The following ZNF670 variants were observed in gnomAD, a reference collection of about 807,000 sequenced individuals.
ZNF670 encodes the protein zinc finger protein 670.
In ZNF670, 7 loss-of-function variants were observed where a neutral mutation model predicts 10.9. The ratio of observed to expected loss-of-function variants is 0.64; its 90% CI spans 0.36 to 1.20. ZNF670 has a LOEUF of 1.20. Ranked by LOEUF, ZNF670 falls within the 50% of genes most tolerant of loss-of-function variation. The probability of loss-of-function intolerance (pLI) is 0.02; values close to 1 mark genes in which losing one functional copy is unlikely to be tolerated. For missense variants in ZNF670, 446 were observed against 458.6 expected (o/e 0.97, Z 0.25); for synonymous variants, 136 against 152.7 (o/e 0.89, Z 0.81).
At chr1:247,054,518 C>T (rs1670672933) in intron 1 of ZNF670, among the ~76,000 whole-genome samples, 1 of 152,236 alleles carries the variant, frequency 6.6e-6, no homozygotes, top group East Asian at 1.9e-4. Context: ...ATTTTAGGCC[C>T]TAGTTCCTGG....
chr1:247,039,059 TC>T (rs1280031115), intron 2 of ZNF670, among the ~76,000 whole-genome samples, 189 bp from the exon 3 acceptor site: 41 of 104,674 alleles, frequency 3.9e-4, no homozygotes, highest in Non-Finnish European at 5.3e-4. Flanking sequence ...TTTCTTTCTT[TC>T]TTTTTTTTTT....
chr1:247,076,824 C>T (rs1671266202), intron 1 of ZNF670, among the ~76,000 whole-genome samples: 1 of 152,166 alleles, frequency 6.6e-6, no homozygotes. Flanking sequence ...CCAGACTGGG[C>T]TAATTTTTGT....
chr1:247,064,956 G>A (rs969806364), intron 1 of ZNF670, among the ~76,000 whole-genome samples: 4 of 151,880 alleles, frequency 2.6e-5, no homozygotes, highest in African/African-American at 7.3e-5. Flanking sequence ...CCACAGGTGC[G>A]CACCACCATG....
At chr1:247,050,226 A>C (rs1407290825) in intron 1 of ZNF670, among the ~76,000 whole-genome samples, 1 of 152,206 alleles carries the variant, frequency 6.6e-6, no homozygotes, top group Non-Finnish European at 1.5e-5. Flanking sequence ...TATGGACTTA[A>C]GACTGTGATA....
At chr1:247,045,999 AT>A (rs1434774027) in intron 1 of ZNF670, among the ~76,000 whole-genome samples, 2 of 152,172 alleles carry the variant, frequency 1.3e-5, no homozygotes, top group Non-Finnish European at 2.9e-5. Flanking sequence ...AGGAGGTTTA[AT>A]TTAGGAGTAA....
At chr1:247,045,104 G>A (rs12139893) in intron 1 of ZNF670, among the ~76,000 whole-genome samples, 14,106 of 152,198 alleles carry the variant, frequency 0.093, 762 homozygotes, top group South Asian at 0.19. Flanking sequence ...CCAGAGAATC[G>A]TAACTCACTT....
chr1:247,054,331 G>C (rs1670668104), intron 1 of ZNF670, among the ~76,000 whole-genome samples: 1 of 152,254 alleles, frequency 6.6e-6, no homozygotes, highest in South Asian at 2.1e-4. Flanking sequence ...AGCTGGCATG[G>C]CTAAGGGCTT....
intron 1 of ZNF670, among the ~76,000 whole-genome samples, chr1:247,077,328 G>A (rs1310662409): frequency 6.6e-6 from 1 of 152,146 alleles, no homozygotes; most frequent in East Asian, 1.9e-4. Context: ...CCCAGGAGAA[G>A]GTATTCATTA....
intron 1 of ZNF670, chr1:247,043,165 A>C: frequency 6.2e-6 from 5 of 810,128 alleles, no homozygotes; most frequent in Non-Finnish European, 1.1e-5. Context: ...AGTTCTGCAG[A>C]TACATGTTCT....
chr1:247,039,547 C>A lies in ZNF670; in HGVS notation c.4-10G>T. Reference sequence around the variant, plus strand: ...CAAATGACACTGAATCCTAGAATATCGCACATATGTGGAGAGGAGGATGGC... The same window carrying A: ...CAAATGACACTGAATCCTAGAATATAGCACATATGTGGAGAGGAGGATGGC... On this transcript the variant is annotated splice_polypyrimidine_tract_variant and intron_variant, in intron 1 of 3. Coordinates refer to ENST00000366503, the MANE Select transcript of ZNF670 (RefSeq NM_033213.5). 1 of 1,573,986 alleles carries A rather than the reference C, an allele frequency of 6.4e-7. No homozygotes were observed. Among genetic ancestry groups the A allele is most frequent in the Non-Finnish European group, 8.6e-7 (1 of 1,164,342 alleles).
At chr1:247,038,741 T>C in intron 3 of ZNF670, 69 bp downstream of exon 3, 1 of 1,385,052 alleles carries the variant, frequency 7.2e-7, no homozygotes, top group Non-Finnish European at 1.0e-6. Flanking sequence ...TTGTTTTGTC[T>C]GTTTTAAAAA....
chr1:247,069,316 A>G (rs1421890333), intron 1 of ZNF670, among the ~76,000 whole-genome samples: 1 of 151,018 alleles, frequency 6.6e-6, no homozygotes, highest in East Asian at 1.9e-4. Context: ...TGTCCCCAAG[A>G]AAGTTAAAGA....
At chr1:247,047,743 C>A (rs1171546084) in intron 1 of ZNF670, among the ~76,000 whole-genome samples, 1 of 152,168 alleles carries the variant, frequency 6.6e-6, no homozygotes, top group East Asian at 1.9e-4. Context: ...ACCCACAGGC[C>A]CAACACCAAG....
rs947909859 is a variant in ZNF670 at position 247,034,961 on chromosome 1, G to C, written c.*2488C>G. ...AAGGTGGAACATACATCCTCCTGGGGAACGGCTGGTCAACCAGTCATGTCT... is the reference window on the plus strand; with the variant it reads ...AAGGTGGAACATACATCCTCCTGGGCAACGGCTGGTCAACCAGTCATGTCT... On this transcript the variant is annotated 3_prime_UTR_variant, in exon 4 of 4. Coordinates refer to ENST00000366503, the MANE Select transcript of ZNF670 (RefSeq NM_033213.5). 6.6e-6 allele frequency among the ~76,000 whole-genome samples: 1 copy of C among 152,208 alleles called. No individual in the cohort carries two copies. Among genetic ancestry groups the C allele is most frequent in the Non-Finnish European group, 1.5e-5 (1 of 68,036 alleles).
rs570147895 is a variant in ZNF670, at chr1:247,044,444, C to A, written c.4-4907G>T. ...CAGAACTACCTTTTGACCCAGCAAT[C>A]CCATTACTGGATACACACCCAAAGG... On this transcript the variant is annotated intron_variant, in intron 1 of 3. Coordinates refer to ENST00000366503, the MANE Select transcript of ZNF670 (RefSeq NM_033213.5). 4.6e-5 allele frequency among the ~76,000 whole-genome samples: 7 copies of A among 152,256 alleles called. No individual in the cohort carries two copies. The East Asian group carries it at 1.3e-3, about 29-fold the overall frequency.
At chr1:247,063,623 C>T (rs1326349279) in intron 1 of ZNF670, among the ~76,000 whole-genome samples, 1 of 146,046 alleles carries the variant, frequency 6.8e-6, no homozygotes, top group Non-Finnish European at 1.5e-5. Context: ...GGGAATTCAT[C>T]GCCAGCCTTA....
chr1:247,041,947 A>G (rs923636838), intron 1 of ZNF670, among the ~76,000 whole-genome samples: 2 of 152,226 alleles, frequency 1.3e-5, no homozygotes, highest in Admixed American at 6.5e-5. Context: ...AACAATCACA[A>G]CAGTGGTCAA....
chr1:247,035,695 A>G lies in ZNF670; in HGVS notation c.*1754T>C, dbSNP rs1203834682. 3.9e-5 allele frequency among the ~76,000 whole-genome samples: 6 copies of G among 152,348 alleles called. No homozygotes were observed. The highest frequency in any genetic ancestry group is 3.3e-4 in the Admixed American group (5 of 15,296). On this transcript the variant is annotated 3_prime_UTR_variant, in exon 4 of 4. Coordinates refer to ENST00000366503, the MANE Select transcript of ZNF670 (RefSeq NM_033213.5). ...ATAAGTATACATGTAGACATGCTAT[A>G]TATACAGATGATGCTATACTATATG... is the stretch of plus-strand genomic sequence containing the variant.
intron 1 of ZNF670, among the ~76,000 whole-genome samples, chr1:247,064,604 G>T (rs904797164): frequency 6.6e-6 from 1 of 152,146 alleles, no homozygotes; most frequent in Non-Finnish European, 1.5e-5. Context: ...GGACTCAGGG[G>T]CACAGCATGG....
Sources: gnomAD v4.1 joint callset for allele counts (sites outside exome capture counted in the v4.1 genomes callset) on GRCh38, gnomAD v4.1.1 for gene constraint, MANE v1.5 for transcripts, NCBI Gene and HGNC (gene_info 2026-07-23, HGNC 2026-07-21) for gene names.